Variants in MGAT4A observed in about 807,000 individuals in gnomAD.
MGAT4A encodes N-acetylglucosaminyltransferase IVa.
A neutral mutation model predicts 74.1 loss-of-function variants in MGAT4A; 33 were observed. That is an observed-to-expected ratio of 0.45 (90% confidence interval 0.34 to 0.60). The LOEUF is 0.60. MGAT4A is among the 20% of genes least tolerant of loss of function. The pLI is 0.02. For synonymous variants in MGAT4A, 198 were observed against 210.4 expected (o/e 0.94, Z 0.51); for missense variants, 479 against 628.3 (o/e 0.76, Z 2.54).
chr2:98,694,001 A>G (rs1349015732), intron 2 of MGAT4A: 1 of 153,138 alleles, frequency 6.5e-6, no homozygotes, highest in Non-Finnish European at 1.5e-5. Context: ...CAATAATCAC[A>G]TTAAATGTAA....
chr2:98,689,306 G>A (rs1457954288), intron 2 of MGAT4A, among the ~76,000 whole-genome samples: 2 of 152,116 alleles, frequency 1.3e-5, no homozygotes, highest in Non-Finnish European at 2.9e-5. Context: ...ACAACTGTAG[G>A]ACAAATCAGA....
intron 9 of MGAT4A, 122 bp from the exon 10 acceptor site, chr2:98,644,175 A>C: frequency 1.9e-6 from 2 of 1,026,712 alleles, no homozygotes; most frequent in Non-Finnish European, 2.7e-6. Context: ...AAATCATCAT[A>C]AACAATTTCC....
chr2:98,698,801 GA>G (rs1024333476), intron 2 of MGAT4A, among the ~76,000 whole-genome samples: 7 of 152,110 alleles, frequency 4.6e-5, no homozygotes, highest in Non-Finnish European at 8.8e-5. Context: ...TTCTTTACTG[GA>G]AAAAATTCCA....
chr2:98,660,438 A>G (rs898342183), intron 5 of MGAT4A, among the ~76,000 whole-genome samples: 2 of 149,530 alleles, frequency 1.3e-5, no homozygotes, highest in Non-Finnish European at 3.0e-5. Context: ...ACACACACAC[A>G]CACACACACA....
At chr2:98,638,866 C>T (rs1378164895) in intron 12 of MGAT4A, among the ~76,000 whole-genome samples, 3 of 152,164 alleles carry the variant, frequency 2.0e-5, no homozygotes, top group African/African-American at 7.2e-5. Context: ...ATCAAATTGG[C>T]CCTCCCATTG....
intron 5 of MGAT4A, among the ~76,000 whole-genome samples, chr2:98,662,190 T>C (rs1042420606): frequency 6.6e-6 from 1 of 152,232 alleles, no homozygotes; most frequent in Non-Finnish European, 1.5e-5. Flanking sequence ...TTGATAACTA[T>C]AATATGGCTA....
At chr2:98,718,742 C>T (rs1029727404) in intron 2 of MGAT4A, among the ~76,000 whole-genome samples, 14 of 152,180 alleles carry the variant, frequency 9.2e-5, no homozygotes, top group African/African-American at 3.4e-4. Context: ...TCTTACTCTA[C>T]CCAACCCCTG....
chr2:98,705,300 A>G (rs1404273376), intron 2 of MGAT4A, among the ~76,000 whole-genome samples: 1 of 152,136 alleles, frequency 6.6e-6, no homozygotes, highest in East Asian at 1.9e-4. Flanking sequence ...AATGATCTTA[A>G]ATGATGGTTC....
chr2:98,688,313 T>A (rs1702153533), intron 2 of MGAT4A, among the ~76,000 whole-genome samples: 1 of 152,174 alleles, frequency 6.6e-6, no homozygotes, highest in Admixed American at 6.5e-5. Context: ...GACTGTTTTA[T>A]AAATCTAAGA....
intron 2 of MGAT4A, among the ~76,000 whole-genome samples, chr2:98,720,480 G>A (rs1037551394): frequency 2.0e-5 from 3 of 152,196 alleles, no homozygotes; most frequent in Non-Finnish European, 4.4e-5. Context: ...CTTATCCTCA[G>A]GCCTTTGGAC....
intron 11 of MGAT4A, 38 bp from the exon 12 acceptor site, chr2:98,640,039 A>C: frequency 6.5e-7 from 1 of 1,548,880 alleles, no homozygotes; most frequent in Non-Finnish European, 8.8e-7. Flanking sequence ...AATAATACAC[A>C]GCTTATTTAA....
intron 14 of MGAT4A, among the ~76,000 whole-genome samples, chr2:98,628,416 C>T (rs1017009472): frequency 1.3e-5 from 2 of 152,206 alleles, no homozygotes; most frequent in Non-Finnish European, 2.9e-5. Flanking sequence ...ATTACTTTGG[C>T]TGCTGCTATT....
intron 2 of MGAT4A, among the ~76,000 whole-genome samples, chr2:98,686,640 G>T (rs889148539): frequency 2.0e-5 from 3 of 151,658 alleles, no homozygotes; most frequent in African/African-American, 7.3e-5. Context: ...TCCGCCTCCT[G>T]GGTTTAAGCA....
intron 4 of MGAT4A, among the ~76,000 whole-genome samples, chr2:98,664,126 G>T (rs1197453618): frequency 6.7e-6 from 1 of 148,960 alleles, no homozygotes; most frequent in Non-Finnish European, 1.5e-5. Flanking sequence ...AGAATCGCCT[G>T]GGAGGCAGAG....
chr2:98,685,775 T>G lies in MGAT4A; in HGVS notation c.95-7304A>C, dbSNP rs115585051. Among the ~76,000 whole-genome samples, 188 of 152,312 alleles carry G rather than the reference T, an allele frequency of 1.2e-3. 1 individual carries two copies. Among genetic ancestry groups the G allele is most frequent in the South Asian group, 2.9e-3 (14 of 4,822 alleles). Reference sequence around the variant, plus strand: ...CTCATTAAAACACAGAATTCTGGACTTCACTTCCAGGGATCCTGATTCCAT... The same window carrying G: ...CTCATTAAAACACAGAATTCTGGACGTCACTTCCAGGGATCCTGATTCCAT... On this transcript the variant is annotated intron_variant, in intron 2 of 15. Transcript: ENST00000393487.
At chr2:98,720,430 G>C (rs904944820) in intron 2 of MGAT4A, among the ~76,000 whole-genome samples, 12 of 152,120 alleles carry the variant, frequency 7.9e-5, no homozygotes, top group Admixed American at 1.3e-4. Flanking sequence ...GCTGGTCCTC[G>C]GGCCTTTGAA....
At chr2:98,700,463 C>G (rs1702338809) in intron 2 of MGAT4A, among the ~76,000 whole-genome samples, 1 of 151,330 alleles carries the variant, frequency 6.6e-6, no homozygotes, top group Non-Finnish European at 1.5e-5. Context: ...TCTCAGAACC[C>G]CTTTACACTG....
chr2:98,668,244 G>A (rs1207880936), intron 4 of MGAT4A, among the ~76,000 whole-genome samples: 1 of 152,178 alleles, frequency 6.6e-6, no homozygotes, highest in Non-Finnish European at 1.5e-5. Flanking sequence ...AGATTTAGGA[G>A]GGAAAAATGG....
intron 1 of MGAT4A, chr2:98,726,908 C>G (rs773778271): frequency 1.3e-5 from 2 of 152,116 alleles, no homozygotes; most frequent in African/African-American, 4.8e-5. Flanking sequence ...GTAACATAAT[C>G]TTCACTCTCT....
Sources: gnomAD v4.1 joint callset for allele counts (sites outside exome capture counted in the v4.1 genomes callset) on GRCh38, gnomAD v4.1.1 for gene constraint, MANE v1.5 for transcripts, NCBI Gene and HGNC (gene_info 2026-07-23, HGNC 2026-07-21) for gene names.